The following TAF15 variants were observed in gnomAD, a reference collection of about 807,000 sequenced individuals.
TAF15 encodes the protein TATA-binding protein-associated factor 2N.
A neutral mutation model predicts 102.5 loss-of-function variants in TAF15; 37 were observed. That is an observed-to-expected ratio of 0.36 (90% confidence interval 0.28 to 0.47). The LOEUF is 0.47. Among genes scored for constraint, TAF15 ranks in the 20% least tolerant of loss-of-function variants. The pLI is 0.99. For synonymous variants in TAF15, 273 were observed against 259.2 expected (o/e 1.05, Z -0.51); for missense variants, 652 against 760.7 (o/e 0.86, Z 1.68).
intron 11 of TAF15, among the ~76,000 whole-genome samples, chr17:35,840,185 G>C (rs1282373857): frequency 6.7e-6 from 1 of 149,604 alleles, no homozygotes; most frequent in African/African-American, 2.5e-5. Context: ...AACACTTGCA[G>C]TTCCTTTCAG....
chr17:35,829,883 T>TA (rs950048940), intron 7 of TAF15: 58 of 152,460 alleles, frequency 3.8e-4, no homozygotes, highest in African/African-American at 1.4e-3. Flanking sequence ...CTCACGCCTG[T>TA]AATCCCAGCA....
intron 1 of TAF15, among the ~76,000 whole-genome samples, chr17:35,814,469 A>T (rs1403253857): frequency 6.8e-6 from 1 of 147,536 alleles, no homozygotes; most frequent in Non-Finnish European, 1.5e-5. Context: ...CACCCAGCTG[A>T]TTTTTTTTTT....
At chr17:35,831,373 C>G (rs2087403594) in intron 7 of TAF15, among the ~76,000 whole-genome samples, 1 of 150,144 alleles carries the variant, frequency 6.7e-6, no homozygotes, top group Admixed American at 6.6e-5. Context: ...CGCCACTGCA[C>G]TCCAGCCTGG....
intron 8 of TAF15, 47 bp downstream of exon 8, chr17:35,833,988 A>C: frequency 6.2e-7 from 1 of 1,602,118 alleles, no homozygotes; most frequent in Non-Finnish European, 8.5e-7. Flanking sequence ...TGCTATATAA[A>C]TCTAAAAGCC....
chr17:35,820,623 T>C (rs949297947), intron 5 of TAF15, among the ~76,000 whole-genome samples, 186 bp downstream of exon 5: 5 of 152,164 alleles, frequency 3.3e-5, no homozygotes, highest in African/African-American at 1.2e-4. Context: ...TTGATTCTTA[T>C]GATGTATTTG....
intron 10 of TAF15, among the ~76,000 whole-genome samples, chr17:35,837,859 T>A (rs138011746): frequency 1.1e-4 from 16 of 152,058 alleles, no homozygotes; most frequent in Admixed American, 6.5e-4. Flanking sequence ...TGAAGCATTA[T>A]CTACATTTAA....
intron 1 of TAF15, among the ~76,000 whole-genome samples, chr17:35,815,991 T>C (rs2087190472): frequency 1.3e-5 from 2 of 152,180 alleles, no homozygotes; most frequent in African/African-American, 2.4e-5. Flanking sequence ...AGACAGGGTC[T>C]CATTCTGTCG....
intron 10 of TAF15, among the ~76,000 whole-genome samples, chr17:35,836,480 A>T (rs2087476542): frequency 6.6e-6 from 1 of 152,222 alleles, no homozygotes; most frequent in Admixed American, 6.5e-5. Flanking sequence ...TAGGACTCTA[A>T]AATTAGTCTC....
intron 9 of TAF15, 57 bp downstream of exon 9, chr17:35,834,655 G>T (rs1598541426): frequency 1.4e-5 from 21 of 1,450,534 alleles, no homozygotes; most frequent in Admixed American, 3.4e-5. Flanking sequence ...TTTTTTTTTT[G>T]ATGGGAAAAG....
At chr17:35,813,072 T>C (rs2087145281) in intron 1 of TAF15, among the ~76,000 whole-genome samples, 1 of 138,806 alleles carries the variant, frequency 7.2e-6, no homozygotes, top group Admixed American at 7.9e-5. Flanking sequence ...GGTTGCAGTT[T>C]GAGACACTGC....
chr17:35,824,238 C>T (rs2087299075), intron 7 of TAF15, 40 bp downstream of exon 7: 7 of 1,587,800 alleles, frequency 4.4e-6, no homozygotes, highest in African/African-American at 1.4e-5. Context: ...TCTTCTTCTT[C>T]CTCTTTTTTT....
At chr17:35,823,013 A>T (rs1320660929) in intron 6 of TAF15, among the ~76,000 whole-genome samples, 180 bp downstream of exon 6, 1 of 152,184 alleles carries the variant, frequency 6.6e-6, no homozygotes. Flanking sequence ...CTGAACTTGG[A>T]GGCCCTCAGA....
At chr17:35,815,139 A>G (rs1255039268) in intron 1 of TAF15, among the ~76,000 whole-genome samples, 1 of 152,228 alleles carries the variant, frequency 6.6e-6, no homozygotes, top group Non-Finnish European at 1.5e-5. Flanking sequence ...AAAGCAAAAC[A>G]GGAAATCTGA....
At chr17:35,833,984 A>C (rs763966596) in intron 8 of TAF15, 43 bp downstream of exon 8, 3 of 1,608,282 alleles carry the variant, frequency 1.9e-6, no homozygotes, top group African/African-American at 2.7e-5. Context: ...GAAATGCTAT[A>C]TAAATCTAAA....
At chr17:35,839,363 A>G (rs1227179594) in intron 11 of TAF15, among the ~76,000 whole-genome samples, 1 of 147,538 alleles carries the variant, frequency 6.8e-6, no homozygotes, top group East Asian at 2.0e-4. Context: ...TACTTAGAAG[A>G]AATAGACTTT....
intron 7 of TAF15, among the ~76,000 whole-genome samples, chr17:35,827,290 C>A (rs924868871): frequency 2.0e-5 from 3 of 149,426 alleles, no homozygotes; most frequent in Non-Finnish European, 3.0e-5. Context: ...GAGCTGAGAT[C>A]GCACCACTGC....
At chr17:35,817,883 G>A in intron 2 of TAF15, 128 bp downstream of exon 2, 1 of 841,988 alleles carries the variant, frequency 1.2e-6, no homozygotes, top group South Asian at 1.4e-5. Context: ...AGTGAAGAGA[G>A]TCAGTGTAAA....
At chr17:35,839,450 C>T (rs1337922149) in intron 11 of TAF15, among the ~76,000 whole-genome samples, 2 of 127,914 alleles carry the variant, frequency 1.6e-5, no homozygotes, top group South Asian at 2.5e-4. Flanking sequence ...GGCGCAATCT[C>T]GGCTCACTGC....
At chr17:35,834,177 G>T (rs2087441480) in intron 8 of TAF15, 2 of 358,904 alleles carry the variant, frequency 5.6e-6, no homozygotes, top group South Asian at 6.2e-5. Context: ...CAGTGAATTT[G>T]CATGAAAGAG....
Sources: allele counts gnomAD v4.1 joint callset (sites outside exome capture counted in the v4.1 genomes callset), GRCh38; gene constraint gnomAD v4.1.1; transcripts MANE v1.5; gene names NCBI Gene and HGNC (gene_info 2026-07-23, HGNC 2026-07-21).